Variants in RPL36 observed in about 807,000 individuals in gnomAD.
RPL36 encodes the protein large ribosomal subunit protein eL36.
For missense variants in RPL36, 131 were observed against 144.9 expected (o/e 0.90, Z 0.49); for synonymous variants, 74 against 56.0 (o/e 1.32, Z -1.44).
In RPL36 at chr19:5,691,684, T is replaced by C; in HGVS notation, c.*63T>C. 6.7e-7 allele frequency: 1 copy of C among 1,499,406 alleles called. No homozygotes were observed. The highest frequency in any genetic ancestry group is 1.4e-5 in the African/African-American group (1 of 72,420). The allele number at this position is 1,499,406 out of a possible 1,614,324, so 92.9% of individuals were successfully genotyped here. Reference sequence around the variant, plus strand: ...TTGACAGAAGCCCTGGCTCTCCTGCTGTCCGTGGGTGGGTGTGGGTGTGTC... The same window carrying C: ...TTGACAGAAGCCCTGGCTCTCCTGCCGTCCGTGGGTGGGTGTGGGTGTGTC... On this transcript the variant is annotated 3_prime_UTR_variant, in exon 4 of 4. Transcript: ENST00000347512.
intron 2 of RPL36, 161 bp downstream of exon 2, chr19:5,690,761 G>T (rs2297766): frequency 0.019 from 12,230 of 659,870 alleles, 747 homozygotes; most frequent in East Asian, 0.17. Flanking sequence ...TTCCTGCCTG[G>T]TGCTCGAAGG....
chr19:5,690,704 G>A, intron 2 of RPL36, 104 bp downstream of exon 2: 1 of 909,366 alleles, frequency 1.1e-6, no homozygotes, highest in Non-Finnish European at 1.7e-6. Context: ...TTCGGGCGCA[G>A]AACTAAGGGG....
At chr19:5,690,971 A>G (rs577715242) in intron 2 of RPL36, 37 of 528,138 alleles carry the variant, frequency 7.0e-5, no homozygotes, top group Admixed American at 3.2e-4. Context: ...TTAAGCGGGC[A>G]GCGGGTTTGG....
chr19:5,691,494 A>T (rs1337604441), intron 3 of RPL36, 38 bp from the exon 4 acceptor site: 1 of 1,607,720 alleles, frequency 6.2e-7, no homozygotes, highest in Non-Finnish European at 8.5e-7. Context: ...GTGGGATGGG[A>T]GTCAGGGCCG....
In RPL36 at chr19:5,690,524, C is replaced by T. The variant is rs772634194; in HGVS notation, c.17C>T (p.Pro6Leu). Residue 6 changes from proline (P) to leucine (L), a missense_variant, in exon 2 of 4, where the codon CCT (proline) becomes CTT (leucine). Coordinates refer to ENST00000347512, the MANE Select transcript of RPL36 (RefSeq NM_033643.3). ...TCCGCAGCCATGGCCCTACGCTACC[C>T]TATGGCCGTGGGCCTCAACAAGGGC... MALRY[P>L]MAVGLNKGHK... is the part of the protein sequence containing the mutation. The T allele has an allele frequency of 7.0e-6, 11 of 1,562,356 alleles. No homozygotes were observed. In the South Asian group the frequency reaches 9.4e-5, roughly 13 times the overall value.
chr19:5,690,874 A>C, intron 2 of RPL36: 1 of 573,204 alleles, frequency 1.7e-6, no homozygotes, highest in Non-Finnish European at 3.1e-6. Flanking sequence ...CTGACGCAGG[A>C]GTAGGAGTTC....
intron 2 of RPL36, chr19:5,690,978 T>G (rs933486743): frequency 1.9e-6 from 1 of 520,728 alleles, no homozygotes; most frequent in African/African-American, 2.0e-5. Flanking sequence ...GGCAGCGGGT[T>G]TGGGGTTCTG....
At position 5,691,871 on chromosome 19, in the gene RPL36, C is replaced by A. The variant is rs1237532393; in HGVS notation, c.*250C>A. The stretch of plus-strand genomic sequence containing the variant: ...CTTTAATCATTAAATAGCTTCTATG[C>A]CACACTCTGATTAAGCCGACTGAGG... On this transcript the variant is annotated 3_prime_UTR_variant, in exon 4 of 4. Coordinates refer to ENST00000347512, the MANE Select transcript of RPL36 (RefSeq NM_033643.3). 1.2e-6 allele frequency: 1 copy of A among 849,722 alleles called. No homozygotes were observed. The highest frequency in any genetic ancestry group is 1.8e-6 in the Non-Finnish European group (1 of 556,062). 52.6% of individuals were successfully genotyped at this position (849,722 alleles called of 1,614,324 possible).
Position 5,691,312 on chromosome 19 carries a change from C to A in RPL36, c.94-7C>A, listed in dbSNP as rs751540673. The A allele has an allele frequency of 6.2e-7, 1 of 1,612,312 alleles. No individual in the cohort carries two copies. Among genetic ancestry groups the A allele is most frequent in the Non-Finnish European group, 8.5e-7 (1 of 1,180,032 alleles). ...CCTACCCTGACGGCCGCCCCTTTCCCCCCTAGCGTCTGACCAAACACACCA... is the reference window on the plus strand; with the variant it reads ...CCTACCCTGACGGCCGCCCCTTTCCACCCTAGCGTCTGACCAAACACACCA... On this transcript the variant is annotated splice_polypyrimidine_tract_variant and splice_region_variant and intron_variant, in intron 2 of 3. Transcript: ENST00000347512.
rs1415985831 is a variant in RPL36, at chr19:5,690,396, G to A, written c.-3+69G>A. 4.7e-6 allele frequency: 4 copies of A among 844,334 alleles called. No individual in the cohort carries two copies. The African/African-American group carries it at 6.7e-5, about 14-fold the overall frequency. 52.3% of individuals were successfully genotyped at this position (844,334 alleles called of 1,614,324 possible). On this transcript the variant is annotated intron_variant, in intron 1 of 3. Coordinates refer to ENST00000347512, the MANE Select transcript of RPL36 (RefSeq NM_033643.3). ...TCCCGGGTCCTCTGTGCAGGTTGGA[G>A]GATGGTTGGTTGTGGCGAGCGAGGC...
At position 5,690,638 on chromosome 19, in the gene RPL36, C is replaced by T. The variant is rs1464544927; in HGVS notation, c.93+38C>T. On this transcript the variant is annotated intron_variant, in intron 2 of 3. Coordinates refer to ENST00000347512, the MANE Select transcript of RPL36 (RefSeq NM_033643.3). ...GCCGCGCGGAGGTTGTCGGGGGTTT[C>T]TTGGAGGGCGGAGGGCATGGCTTGG... 4 of 1,496,606 alleles carry T rather than the reference C, an allele frequency of 2.7e-6. No individual in the cohort carries two copies. The Admixed American group carries it at 5.9e-5, about 22-fold the overall frequency. 92.7% of individuals were successfully genotyped at this position (1,496,606 alleles called of 1,614,324 possible).
exon 4 of RPL36, chr19:5,691,874 CACTCTGATTAAGCCG>C: frequency 1.2e-6 from 1 of 843,950 alleles, no homozygotes; most frequent in Non-Finnish European, 1.8e-6. Context: ...TTCTATGCCA[CACTCTGATTAAGCCG>C]ACTGAGGTCC....
At chr19:5,691,163 G>C (rs1386148772) in intron 2 of RPL36, 156 bp from the exon 3 acceptor site, 2 of 1,028,940 alleles carry the variant, frequency 1.9e-6, no homozygotes, top group African/African-American at 3.2e-5. Context: ...GAGCTGCTCC[G>C]GGCGCGGCGA....
Position 5,691,451 on chromosome 19 carries a change from A to G in RPL36, c.226A>G (p.Arg76Gly), listed in dbSNP as rs1210519566. 6.2e-7 allele frequency: 1 copy of G among 1,610,400 alleles called. No homozygotes were observed. Among genetic ancestry groups the G allele is most frequent in the Admixed American group, 1.7e-5 (1 of 59,888 alleles). Residue 76 changes from arginine (R) to glycine (G), a missense_variant and splice_region_variant, in exon 3 of 4, where the codon AGG (arginine) becomes GGG (glycine). Transcript: ENST00000347512. Reference sequence around the variant, plus strand: ...ACGGGCCCTCAAATTTATCAAGAAAAGGGTAGGTGGGCGCTGCCGGCCGAG... The same window carrying G: ...ACGGGCCCTCAAATTTATCAAGAAAGGGGTAGGTGGGCGCTGCCGGCCGAG... Reference protein sequence around the residue: ...DKRALKFIKKRVGTHIRAKRK... With the variant: ...DKRALKFIKKGVGTHIRAKRK...
rs1599435653 is a variant in RPL36 at position 5,690,320 on chromosome 19, A to G, written c.-10A>G. 2 of 640,542 alleles carry G rather than the reference A, an allele frequency of 3.1e-6. No individual in the cohort carries two copies. The highest frequency in any genetic ancestry group is 4.5e-5 in the Admixed American group (2 of 44,058). 39.7% of individuals were successfully genotyped at this position (640,542 alleles called of 1,614,324 possible). A position where few individuals can be genotyped will look rare whatever the true frequency, so the allele number is the denominator to read the frequency against. The stretch of plus-strand genomic sequence containing the variant: ...CCTTCCGCCACGGCCGTCTCTGGAG[A>G]GCAGCAGGTAAGTGGTTTCCCGCAC... On this transcript the variant is annotated 5_prime_UTR_variant, in exon 1 of 4. Coordinates refer to ENST00000347512, the MANE Select transcript of RPL36 (RefSeq NM_033643.3).
intron 2 of RPL36, chr19:5,690,818 C>T: frequency 1.7e-6 from 1 of 604,470 alleles, no homozygotes; most frequent in Non-Finnish European, 3.0e-6. Context: ...CACGCTGGGG[C>T]AGAGGGAGCA....
chr19:5,690,445 C>T (rs1338771458), intron 1 of RPL36, 61 bp from the exon 2 acceptor site: 18 of 1,304,982 alleles, frequency 1.4e-5, no homozygotes, highest in Non-Finnish European at 1.9e-5. Flanking sequence ...ACGCGGGGCT[C>T]TGGGCCTCGG....
chr19:5,691,469 C>T lies in RPL36; in HGVS notation c.228+16C>T. 3 of 1,606,482 alleles carry T rather than the reference C, an allele frequency of 1.9e-6. No individual in the cohort carries two copies. The highest frequency in any genetic ancestry group is 2.2e-5 in the East Asian group (1 of 44,764). Reference sequence around the variant, plus strand: ...CAAGAAAAGGGTAGGTGGGCGCTGCCGGCCGAGGGGCGGGGTGGGATGGGA... The same window carrying T: ...CAAGAAAAGGGTAGGTGGGCGCTGCTGGCCGAGGGGCGGGGTGGGATGGGA... On this transcript the variant is annotated intron_variant, in intron 3 of 3. Transcript: ENST00000347512.
rs1386134409 is a variant in RPL36, at chr19:5,691,818, G to A, written c.*197G>A. ...CCCGCCCACCCTTCCCGGGGCAGCA[G>A]GTGAGGAAGCCGCCGTACTGCAAAT... On this transcript the variant is annotated 3_prime_UTR_variant, in exon 4 of 4. Coordinates refer to ENST00000347512, the MANE Select transcript of RPL36 (RefSeq NM_033643.3). 1.6e-5 allele frequency: 13 copies of A among 810,072 alleles called. No homozygotes were observed. The highest frequency in any genetic ancestry group is 1.9e-5 in the Non-Finnish European group (10 of 514,916). The allele number at this position is 810,072 out of a possible 1,614,324, so 50.2% of individuals were successfully genotyped here.
Sources: gnomAD v4.1 joint callset for allele counts on GRCh38, gnomAD v4.1.1 for gene constraint, MANE v1.5 for transcripts, NCBI Gene and HGNC (gene_info 2026-07-23, HGNC 2026-07-21) for gene names.